GPR139: variants seen among roughly 807,000 people sequenced by gnomAD.
GPR139 encodes G protein-coupled receptor 139.
GPR139 carries 12 observed loss-of-function variants against 25.8 expected under a neutral mutation model. The observed-to-expected ratio is 0.47, with a 90% CI of 0.30 to 0.75. The LOEUF is 0.75. Ranked by LOEUF, GPR139 falls within the 30% of genes least tolerant of loss-of-function variation. GPR139 has a pLI of 0.07. For missense variants in GPR139, 380 were observed against 450.2 expected (o/e 0.84, Z 1.41); for synonymous variants, 184 against 179.9 (o/e 1.02, Z -0.18).
Position 20,032,545 on chromosome 16 carries a change from G to A in GPR139, c.252C>T (p.Asp84=), listed in dbSNP as rs769044835. Residue 84 remains aspartate, a synonymous_variant, in exon 2 of 2, where the codon GAC becomes GAT. Transcript: ENST00000570682. The stretch of plus-strand genomic sequence containing the variant: ...TCAAGATGAAATCTTCCAACAGGAA[G>A]TCCACAAACACTATGAAAAAGAGGA... The part of the protein sequence containing the change: ...ILVLFFIVFV[D]FLLEDFILNM... The A allele has an allele frequency of 1.4e-5, 23 of 1,614,058 alleles. No individual in the cohort carries two copies. Among genetic ancestry groups the A allele is most frequent in the South Asian group, 7.7e-5 (7 of 91,080 alleles).
chr16:20,045,451 T>C (rs2057351126), intron 1 of GPR139, among the ~76,000 whole-genome samples: 1 of 152,274 alleles, frequency 6.6e-6, no homozygotes, highest in East Asian at 1.9e-4. Context: ...TCAAAAACAA[T>C]TTGTTAGACT....
At chr16:20,056,522 G>A (rs927548907) in intron 1 of GPR139, among the ~76,000 whole-genome samples, 4 of 152,122 alleles carry the variant, frequency 2.6e-5, no homozygotes, top group Non-Finnish European at 4.4e-5. Context: ...ATGTAGCTTC[G>A]GTTTTCAGTC....
intron 1 of GPR139, among the ~76,000 whole-genome samples, chr16:20,053,480 G>A (rs1479183226): frequency 6.6e-6 from 1 of 152,212 alleles, no homozygotes; most frequent in African/African-American, 2.4e-5. Context: ...TCAAGGAAGT[G>A]TGAAAGCATG....
intron 1 of GPR139, among the ~76,000 whole-genome samples, chr16:20,047,073 G>A (rs1167616562): frequency 1.3e-5 from 2 of 151,458 alleles, no homozygotes; most frequent in Non-Finnish European, 2.9e-5. Context: ...AGTGACTCAA[G>A]CTGTCTTTCT....
chr16:20,068,256 A>AAAAAAAAAAAAG (rs1555467127), intron 1 of GPR139, among the ~76,000 whole-genome samples: 2 of 137,756 alleles, frequency 1.5e-5, no homozygotes, highest in African/African-American at 5.5e-5. Context: ...AAAAAAAAAA[A>AAAAAAAAAAAAG]AAGAAAGGAG....
At position 20,073,263 on chromosome 16, in the gene GPR139, C is replaced by T. The variant is rs1039062901; in HGVS notation, c.127+227G>A. 6.9e-6 allele frequency among the ~76,000 whole-genome samples: 1 copy of T among 144,426 alleles called. No individual in the cohort carries two copies. The allele number at this position is 144,426 out of a possible 152,430, so 94.7% of individuals were successfully genotyped here. On this transcript the variant is annotated intron_variant, in intron 1 of 1. Transcript: ENST00000570682. The surrounding 1 kb of genome is among the most constrained non-coding windows in gnomAD (Gnocchi z 4.7). ...CGCCGTCACAGTCATCACACACACA[C>T]ACACACACACACACACGCTCGCGCG...
At chr16:20,049,506 C>T (rs112090864) in intron 1 of GPR139, among the ~76,000 whole-genome samples, 10 of 152,300 alleles carry the variant, frequency 6.6e-5, no homozygotes, top group Non-Finnish European at 1.2e-4. Context: ...CTTTCCAAAG[C>T]GCTGTTAAGA....
chr16:20,067,122 C>G (rs933577450), intron 1 of GPR139, among the ~76,000 whole-genome samples: 1 of 152,178 alleles, frequency 6.6e-6, no homozygotes, highest in Non-Finnish European at 1.5e-5. Context: ...ATGTATTTTA[C>G]ACTCAATCTC....
At chr16:20,046,602 G>C (rs374387325) in intron 1 of GPR139, among the ~76,000 whole-genome samples, 2 of 152,296 alleles carry the variant, frequency 1.3e-5, no homozygotes, top group East Asian at 3.9e-4. Context: ...AGGAGGCCGA[G>C]ACATTTTCTT....
intron 1 of GPR139, among the ~76,000 whole-genome samples, chr16:20,056,489 A>G (rs1211597118): frequency 6.6e-6 from 1 of 152,186 alleles, no homozygotes; most frequent in African/African-American, 2.4e-5. Flanking sequence ...GGGAATGATG[A>G]GCCCTGGGTT....
intron 1 of GPR139, among the ~76,000 whole-genome samples, chr16:20,047,141 C>T (rs1024027364): frequency 6.6e-6 from 1 of 150,394 alleles, no homozygotes; most frequent in Non-Finnish European, 1.5e-5. Flanking sequence ...GGTGGAGTCT[C>T]GCTTTTTCGC....
chr16:20,029,736 G>A lies in GPR139; in HGVS notation c.*1999C>T, dbSNP rs145575868. Among the ~76,000 whole-genome samples the A allele has an allele frequency of 9.2e-5, 14 of 152,266 alleles. No homozygotes were observed. The East Asian group carries it at 2.7e-3, about 29-fold the overall frequency. On this transcript the variant is annotated 3_prime_UTR_variant, in exon 2 of 2. Transcript: ENST00000570682. ...TGTCCCTCAGTCAGACGACTTCCAT[G>A]AACTTCTTTGAGTGGAAGCATCTTG...
At chr16:20,067,021 C>T (rs1211490486) in intron 1 of GPR139, among the ~76,000 whole-genome samples, 2 of 152,090 alleles carry the variant, frequency 1.3e-5, no homozygotes, top group South Asian at 2.1e-4. Flanking sequence ...ATGGGAAAAC[C>T]GGGGCTCAGA....
intron 1 of GPR139, among the ~76,000 whole-genome samples, chr16:20,057,690 T>C (rs1333205936): frequency 1.3e-5 from 2 of 152,004 alleles, no homozygotes; most frequent in East Asian, 3.9e-4. Flanking sequence ...CAGAGGACCC[T>C]GGAGTCAAGA....
At chr16:20,043,815 A>G (rs2057344793) in intron 1 of GPR139, among the ~76,000 whole-genome samples, 1 of 152,210 alleles carries the variant, frequency 6.6e-6, no homozygotes, top group Non-Finnish European at 1.5e-5. Context: ...TCAGGGCTTT[A>G]CAAGAACAAG....
At chr16:20,046,931 T>C (rs999753958) in intron 1 of GPR139, among the ~76,000 whole-genome samples, 2 of 151,958 alleles carry the variant, frequency 1.3e-5, no homozygotes, top group East Asian at 1.9e-4. Flanking sequence ...ATCTGCTGAG[T>C]GTGGTGGTGC....
chr16:20,058,694 C>T (rs191511579), intron 1 of GPR139, among the ~76,000 whole-genome samples: 4 of 152,318 alleles, frequency 2.6e-5, no homozygotes, highest in East Asian at 1.9e-4. Flanking sequence ...GTCACAGTGA[C>T]GATGTCCCTC....
At chr16:20,064,369 T>C (rs1053129889) in intron 1 of GPR139, among the ~76,000 whole-genome samples, 1 of 152,114 alleles carries the variant, frequency 6.6e-6, no homozygotes, top group African/African-American at 2.4e-5. Context: ...GGTGAAACCC[T>C]GTCTCTACTA....
chr16:20,032,475 C>A lies in GPR139; in HGVS notation c.322G>T (p.Glu108Ter), dbSNP rs1226140747. 2 of 1,614,108 alleles carry A rather than the reference C, an allele frequency of 1.2e-6. No individual in the cohort carries two copies. Among genetic ancestry groups the A allele is most frequent in the Admixed American group, 1.7e-5 (1 of 60,016 alleles). The change falls in exon 2 of 2, where the codon GAA (glutamate) becomes TAA (stop). Residue 108 changes from glutamate (E) to a stop codon, truncating the protein, a stop_gained. Coordinates refer to ENST00000570682, the MANE Select transcript of GPR139 (RefSeq NM_001002911.4). LOFTEE classifies it high-confidence loss of function. ...ATGGAGGTGTGGATGGATGAGAATTCCAGCACTTCTATGATCTTGTCGGGG... is the reference window on the plus strand; with the variant it reads ...ATGGAGGTGTGGATGGATGAGAATTACAGCACTTCTATGATCTTGTCGGGG... Reference protein sequence around the residue: ...QVPDKIIEVLEFSSIHTSIWI... With the variant: ...QVPDKIIEVL
Sources: gnomAD v4.1 joint callset for allele counts (sites outside exome capture counted in the v4.1 genomes callset) on GRCh38, gnomAD v4.1.1 for gene constraint, Gnocchi (gnomAD v3.1) non-coding constraint, MANE v1.5 for transcripts, NCBI Gene and HGNC (gene_info 2026-07-23, HGNC 2026-07-21) for gene names.